The following ATP6V1E1 variants were observed in gnomAD, a reference collection of about 807,000 sequenced individuals.
The protein encoded by ATP6V1E1 is V-type proton ATPase subunit E 1.
Under a neutral mutation model 35.2 loss-of-function variants are expected in ATP6V1E1, and 21 were observed. That is an observed-to-expected ratio of 0.60 (90% CI 0.42 to 0.86). The LOEUF (loss-of-function observed/expected upper bound fraction) is 0.86. ATP6V1E1 is among the 40% of genes least tolerant of loss of function. The probability of loss-of-function intolerance (pLI) is 0.00; values close to 1 mark genes in which losing one functional copy is unlikely to be tolerated. For missense variants in ATP6V1E1, 183 were observed against 272.6 expected (o/e 0.67, Z 2.32); for synonymous variants, 83 against 87.8 (o/e 0.95, Z 0.30).
intron 1 of ATP6V1E1, among the ~76,000 whole-genome samples, chr22:17,622,080 T>C (rs1230990862): frequency 6.6e-6 from 1 of 152,156 alleles, no homozygotes; most frequent in South Asian, 2.1e-4. Context: ...CCGACACAGC[T>C]CATCAAACTC....
At chr22:17,611,380 C>T (rs1273439831) in intron 4 of ATP6V1E1, among the ~76,000 whole-genome samples, 1 of 152,186 alleles carries the variant, frequency 6.6e-6, no homozygotes, top group Non-Finnish European at 1.5e-5. Context: ...TATTTTCCCA[C>T]ATTCCTGGAG....
rs137934688 is a variant in ATP6V1E1, at chr22:17,594,170, C to T, written c.618+359G>A. Among the ~76,000 whole-genome samples the T allele has an allele frequency of 2.6e-5, 4 of 151,862 alleles. No individual in the cohort carries two copies. The East Asian group carries it at 5.8e-4, about 22-fold the overall frequency. On this transcript the variant is annotated intron_variant, in intron 8 of 8. Coordinates refer to ENST00000253413, the MANE Select transcript of ATP6V1E1 (RefSeq NM_001696.4). ...TGAGCCAAGACTGCACTCCAGCCTG[C>T]GCAAAAAAGAGTGAAACTCCATCTC...
chr22:17,602,296 AG>A (rs1435916038), intron 4 of ATP6V1E1, among the ~76,000 whole-genome samples: 1 of 152,202 alleles, frequency 6.6e-6, no homozygotes, highest in African/African-American at 2.4e-5. Context: ...GAATACTATC[AG>A]GAAACAAATC....
chr22:17,606,481 G>A (rs1466644837), intron 4 of ATP6V1E1, among the ~76,000 whole-genome samples: 5 of 131,580 alleles, frequency 3.8e-5, no homozygotes, highest in African/African-American at 1.2e-4. Flanking sequence ...GACTGTAAGC[G>A]GTTAAAAAAG....
chr22:17,615,263 T>C (rs1003397017), intron 2 of ATP6V1E1, among the ~76,000 whole-genome samples: 2 of 152,130 alleles, frequency 1.3e-5, no homozygotes, highest in Non-Finnish European at 2.9e-5. Context: ...ATCATGCCAC[T>C]GCACTCTAGC....
chr22:17,603,300 C>T (rs2057770527), intron 4 of ATP6V1E1, among the ~76,000 whole-genome samples: 1 of 151,980 alleles, frequency 6.6e-6, no homozygotes, highest in Admixed American at 6.6e-5. Flanking sequence ...GGTGGCAGGA[C>T]TGCTTGAGCC....
At chr22:17,594,898 A>G (rs889298151) in intron 7 of ATP6V1E1, 12 of 216,244 alleles carry the variant, frequency 5.5e-5, no homozygotes, top group African/African-American at 2.8e-4. Context: ...TACAGCACTT[A>G]AAATAGCTAA....
intron 4 of ATP6V1E1, among the ~76,000 whole-genome samples, chr22:17,608,873 T>A (rs138542652): frequency 0.07 from 10,721 of 152,118 alleles, 1,271 homozygotes; most frequent in African/African-American, 0.24. Context: ...GATCACGAGG[T>A]CAGGAAATCG....
intron 6 of ATP6V1E1, 21 bp from the exon 7 acceptor site, chr22:17,598,309 G>A (rs745644065): frequency 3.8e-6 from 6 of 1,568,676 alleles, no homozygotes; most frequent in Non-Finnish European, 4.4e-6. Context: ...AGAACACAAT[G>A]AGAGGTGTCA....
At chr22:17,627,460 C>A (rs2057918576) in intron 1 of ATP6V1E1, among the ~76,000 whole-genome samples, 2 of 151,900 alleles carry the variant, frequency 1.3e-5, no homozygotes, top group Admixed American at 1.3e-4. Flanking sequence ...TTAACACACA[C>A]ATTAGTGGGA....
intron 1 of ATP6V1E1, among the ~76,000 whole-genome samples, chr22:17,624,670 A>T (rs963629885): frequency 4.0e-5 from 6 of 151,876 alleles, no homozygotes; most frequent in African/African-American, 1.2e-4. Flanking sequence ...AATACAAAAA[A>T]ATTATCCGGG....
rs1270654679 is a variant in ATP6V1E1 at position 17,619,368 on chromosome 22, T to C, written c.99+93A>G. 4 of 1,083,250 alleles carry C rather than the reference T, an allele frequency of 3.7e-6. No homozygotes were observed. The African/African-American group carries it at 6.4e-5, about 17-fold the overall frequency. 67.1% of individuals were successfully genotyped at this position (1,083,250 alleles called of 1,614,324 possible). On this transcript the variant is annotated intron_variant, in intron 2 of 8. Coordinates refer to ENST00000253413, the MANE Select transcript of ATP6V1E1 (RefSeq NM_001696.4). ...ACATTTTTATCAGTCCGATGCAATCTGTTGTTAAGCAGTTTTACTAACAAT... is the reference window on the plus strand; with the variant it reads ...ACATTTTTATCAGTCCGATGCAATCCGTTGTTAAGCAGTTTTACTAACAAT...
At chr22:17,618,575 G>A (rs541391762) in intron 2 of ATP6V1E1, among the ~76,000 whole-genome samples, 300 of 151,732 alleles carry the variant, frequency 2.0e-3, no homozygotes, top group African/African-American at 6.7e-3. Flanking sequence ...CCAGCTACTC[G>A]GGAGGCTCAG....
intron 4 of ATP6V1E1, among the ~76,000 whole-genome samples, chr22:17,605,646 C>G (rs1175428499): frequency 6.6e-6 from 1 of 150,836 alleles, no homozygotes; most frequent in Non-Finnish European, 1.5e-5. Flanking sequence ...GTCACTCTAC[C>G]TAGGTGATCT....
intron 1 of ATP6V1E1, 110 bp downstream of exon 1, chr22:17,628,493 C>T: frequency 6.8e-7 from 1 of 1,462,918 alleles, no homozygotes; most frequent in Non-Finnish European, 9.5e-7. Context: ...AGCAAGGGAC[C>T]TTCCTGCGGC....
At chr22:17,620,461 C>T (rs2057870613) in intron 1 of ATP6V1E1, among the ~76,000 whole-genome samples, 1 of 151,832 alleles carries the variant, frequency 6.6e-6, no homozygotes, top group Non-Finnish European at 1.5e-5. Flanking sequence ...ACCTTCCCTT[C>T]TTTAACAATC....
At chr22:17,595,571 T>G (rs2057727766) in intron 7 of ATP6V1E1, among the ~76,000 whole-genome samples, 1 of 152,190 alleles carries the variant, frequency 6.6e-6, no homozygotes. Context: ...AGCTCACCCC[T>G]GTAATCCCAG....
At position 17,615,718 on chromosome 22, in the gene ATP6V1E1, T is replaced by C. The variant is rs1457030374; in HGVS notation, c.100-2398A>G. Among the ~76,000 whole-genome samples the C allele has an allele frequency of 3.9e-5, 6 of 151,916 alleles. No individual in the cohort carries two copies. In the East Asian group the frequency reaches 1.2e-3, roughly 29 times the overall value. ...TTCGAGACCAGTCTGGCCAACATGG[T>C]GAAACCCCATCTCTACTAAGAATAC... On this transcript the variant is annotated intron_variant, in intron 2 of 8. Transcript: ENST00000253413.
At chr22:17,601,207 T>G (rs1174228473) in intron 4 of ATP6V1E1, 26 bp from the exon 5 acceptor site, 3 of 1,598,346 alleles carry the variant, frequency 1.9e-6, no homozygotes, top group Admixed American at 3.3e-5. Context: ...AAGATAAAAG[T>G]TATCTACACA....
Sources: gnomAD v4.1 joint callset for allele counts (sites outside exome capture counted in the v4.1 genomes callset) on GRCh38, gnomAD v4.1.1 for gene constraint, MANE v1.5 for transcripts, NCBI Gene and HGNC (gene_info 2026-07-23, HGNC 2026-07-21) for gene names.